The following CFAP221 variants were observed in gnomAD, a reference collection of about 807,000 sequenced individuals.
The protein encoded by CFAP221 is cilia- and flagella-associated protein 221.
A neutral mutation model predicts 113.1 loss-of-function variants in CFAP221; 97 were observed. The observed-to-expected ratio is 0.86, with a 90% CI of 0.73 to 1.02. The LOEUF (loss-of-function observed/expected upper bound fraction) is 1.02, where lower values mean the gene tolerates loss of function less well. Ranked by LOEUF, CFAP221 falls within the 50% of genes least tolerant of loss-of-function variation. CFAP221 has a pLI of 0.00. For missense variants in CFAP221, 1,025 were observed against 1,013.4 expected (o/e 1.01, Z -0.16); for synonymous variants, 331 against 354.4 (o/e 0.93, Z 0.74).
At chr2:119,573,275 A>G (rs1682198352) in intron 6 of CFAP221, 1 of 152,194 alleles carries the variant, frequency 6.6e-6, no homozygotes, top group African/African-American at 2.4e-5. Flanking sequence ...GATGTTCACA[A>G]GTGTTTTTTG....
At chr2:119,581,575 G>A (rs577385149) in intron 6 of CFAP221, among the ~76,000 whole-genome samples, 3 of 152,248 alleles carry the variant, frequency 2.0e-5, no homozygotes, top group South Asian at 2.1e-4. Context: ...TAGGGGGTAC[G>A]GAAGCTAGAC....
intron 23 of CFAP221, among the ~76,000 whole-genome samples, chr2:119,655,047 A>T (rs1688349189): frequency 6.6e-6 from 1 of 152,230 alleles, no homozygotes; most frequent in Non-Finnish European, 1.5e-5. Context: ...GAGCCTGGAC[A>T]GACAGGGACG....
At chr2:119,608,045 A>G (rs984862839) in intron 11 of CFAP221, among the ~76,000 whole-genome samples, 2 of 152,216 alleles carry the variant, frequency 1.3e-5, no homozygotes, top group Non-Finnish European at 2.9e-5. Context: ...CTGCTAGGTC[A>G]TATGGTAACT....
chr2:119,638,988 C>T (rs1411014761), intron 20 of CFAP221, among the ~76,000 whole-genome samples: 1 of 152,062 alleles, frequency 6.6e-6, no homozygotes, highest in African/African-American at 2.4e-5. Flanking sequence ...GTGTCACCTA[C>T]TTGCCTTTCT....
intron 12 of CFAP221, among the ~76,000 whole-genome samples, chr2:119,611,308 A>T (rs1685143026): frequency 6.6e-6 from 1 of 151,498 alleles, no homozygotes. Flanking sequence ...AAAAGAAGGT[A>T]TCTACTTGGG....
intron 14 of CFAP221, among the ~76,000 whole-genome samples, chr2:119,620,010 A>G (rs60198512): frequency 0.16 from 24,526 of 152,064 alleles, 2,100 homozygotes; most frequent in African/African-American, 0.23. Flanking sequence ...GATCAACTTG[A>G]TGAAATAAAG....
chr2:119,611,112 C>T (rs1685123650), intron 12 of CFAP221, among the ~76,000 whole-genome samples: 1 of 152,080 alleles, frequency 6.6e-6, no homozygotes, highest in Non-Finnish European at 1.5e-5. Flanking sequence ...GGAAGGAATC[C>T]CCACATGCCT....
chr2:119,547,921 T>C (rs1177783238), intron 2 of CFAP221, among the ~76,000 whole-genome samples: 1 of 152,186 alleles, frequency 6.6e-6, no homozygotes, highest in Non-Finnish European at 1.5e-5. Flanking sequence ...GGAAGGCAGA[T>C]TACTGGTTGG....
At position 119,604,898 on chromosome 2, in the gene CFAP221, G is replaced by A. The variant is rs1684626345; in HGVS notation, c.935G>A (p.Arg312Lys). The change falls in exon 10 of 24, where the codon AGA becomes AAA. Residue 312 changes from arginine (R) to lysine (K), a missense_variant. Arg to Lys is a conservative substitution (Grantham distance 26). Coordinates refer to ENST00000413369, the MANE Select transcript of CFAP221 (RefSeq NM_001271049.2). The stretch of plus-strand genomic sequence containing the variant: ...TAGGAAATTGAGTACCAGAACCTCA[G>A]ATTTCCAGTAGATTTATCGAATCCA... ...KVKEIEYQNL[R>K]FPVDLSNPFA... is the part of the protein sequence containing the mutation. 1.2e-6 allele frequency: 2 copies of A among 1,614,010 alleles called. No homozygotes were observed. Among genetic ancestry groups the A allele is most frequent in the African/African-American group, 2.7e-5 (2 of 74,924 alleles).
chr2:119,558,794 C>T (rs558215738), intron 3 of CFAP221, among the ~76,000 whole-genome samples: 1 of 152,256 alleles, frequency 6.6e-6, no homozygotes, highest in South Asian at 2.1e-4. Context: ...TGCACTGCAG[C>T]CCGAGCAACA....
At position 119,587,150 on chromosome 2, in the gene CFAP221, T is replaced by C; in HGVS notation, c.559T>C (p.Cys187Arg). 3 of 1,531,294 alleles carry C rather than the reference T, an allele frequency of 2.0e-6. No homozygotes were observed. Among genetic ancestry groups the C allele is most frequent in the Non-Finnish European group, 2.6e-6 (3 of 1,144,562 alleles). The allele number at this position is 1,531,294 out of a possible 1,614,324, so 94.9% of individuals were successfully genotyped here. A position where few individuals can be genotyped will look rare whatever the true frequency, so the allele number is the denominator to read the frequency against. Reference sequence around the variant, plus strand: ...TTATGTTATTCCTTTGCAGTGCAGCTGCCCTGTAGATTTTGAGTTTTATAT... The same window carrying C: ...TTATGTTATTCCTTTGCAGTGCAGCCGCCCTGTAGATTTTGAGTTTTATAT... ...KTYVIPLQCS[C>R]PVDFEFYITL... The change falls in exon 7 of 24, where the codon TGC (cysteine) becomes CGC (arginine). Residue 187 changes from cysteine (C) to arginine (R), a missense_variant. Coordinates refer to ENST00000413369, the MANE Select transcript of CFAP221 (RefSeq NM_001271049.2).
At chr2:119,607,730 C>T (rs1684870164) in intron 11 of CFAP221, among the ~76,000 whole-genome samples, 1 of 152,200 alleles carries the variant, frequency 6.6e-6, no homozygotes, top group Non-Finnish European at 1.5e-5. Flanking sequence ...GATTTGCCCA[C>T]TCTGGACATT....
At chr2:119,560,588 C>G (rs1158448713) in intron 5 of CFAP221, among the ~76,000 whole-genome samples, 1 of 152,140 alleles carries the variant, frequency 6.6e-6, no homozygotes, top group Non-Finnish European at 1.5e-5. Context: ...ACTGTCCCCT[C>G]TGCCCCTCCC....
chr2:119,655,057 G>A lies in CFAP221; in HGVS notation c.2415-1305G>A, dbSNP rs145683580. Among the ~76,000 whole-genome samples, 121 of 152,222 alleles carry A rather than the reference G, an allele frequency of 7.9e-4. 1 individual carries two copies. The highest frequency in any genetic ancestry group is 1.2e-3 in the Non-Finnish European group (85 of 68,024). On this transcript the variant is annotated intron_variant, in intron 23 of 23. Coordinates refer to ENST00000413369, the MANE Select transcript of CFAP221 (RefSeq NM_001271049.2). ...ACCCAGAGCCTGGACAGACAGGGAC[G>A]GAACAAAAAGAACACATCAGCAGTG...
At chr2:119,642,506 G>T (rs930243920) in intron 21 of CFAP221, among the ~76,000 whole-genome samples, 5 of 148,016 alleles carry the variant, frequency 3.4e-5, no homozygotes, top group Non-Finnish European at 6.0e-5. Flanking sequence ...TCCAAACATG[G>T]CAGAAAGGGG....
chr2:119,614,774 C>T (rs191865050), intron 13 of CFAP221, among the ~76,000 whole-genome samples: 18 of 152,298 alleles, frequency 1.2e-4, no homozygotes, highest in African/African-American at 3.4e-4. Context: ...TTAATTTCAA[C>T]GATGATAAAA....
chr2:119,641,708 C>T (rs1285274157), intron 21 of CFAP221, among the ~76,000 whole-genome samples: 1 of 152,152 alleles, frequency 6.6e-6, no homozygotes, highest in Non-Finnish European at 1.5e-5. Flanking sequence ...TCACTTCTAC[C>T]CTCCTTCCCC....
chr2:119,653,527 G>A lies in CFAP221; in HGVS notation c.2414+1458G>A, dbSNP rs182688410. Among the ~76,000 whole-genome samples, 24 of 151,874 alleles carry A rather than the reference G, an allele frequency of 1.6e-4. No homozygotes were observed. In the East Asian group the frequency reaches 4.1e-3, roughly 26 times the overall value. Reference sequence around the variant, plus strand: ...TATACATATGAATTATTATATTTCCGAGTAGATGTACCATAATTTATTTAA... The same window carrying A: ...TATACATATGAATTATTATATTTCCAAGTAGATGTACCATAATTTATTTAA... On this transcript the variant is annotated intron_variant, in intron 23 of 23. Transcript: ENST00000413369.
intron 7 of CFAP221, among the ~76,000 whole-genome samples, chr2:119,595,535 C>T (rs192772998): frequency 5.9e-5 from 9 of 152,142 alleles, no homozygotes; most frequent in East Asian, 1.9e-4. Context: ...TGGTTTCTGC[C>T]GGGCTCACCT....
Sources: gnomAD v4.1 joint callset for allele counts (sites outside exome capture counted in the v4.1 genomes callset) on GRCh38, gnomAD v4.1.1 for gene constraint, MANE v1.5 for transcripts, NCBI Gene and HGNC (gene_info 2026-07-23, HGNC 2026-07-21) for gene names.